NEGR1: variants seen among roughly 807,000 people sequenced by gnomAD.
NEGR1 encodes IgLON family member 4.
A neutral mutation model predicts 40.9 loss-of-function variants in NEGR1; 10 were observed. The observed-to-expected ratio is 0.24, with a 90% CI of 0.15 to 0.42. The LOEUF is 0.42. NEGR1 is among the 10% of genes least tolerant of loss of function. The probability of loss-of-function intolerance (pLI) is 1.00; values close to 1 mark genes in which losing one functional copy is unlikely to be tolerated. For synonymous variants in NEGR1, 185 were observed against 166.8 expected (o/e 1.11, Z -0.84); for missense variants, 352 against 438.9 (o/e 0.80, Z 1.77).
rs1646284227 is a variant in NEGR1, at chr1:71,407,272, CAA to C, written c.*172_*173del. On this transcript the variant is annotated 3_prime_UTR_variant, in exon 7 of 7. Coordinates refer to ENST00000357731, the MANE Select transcript of NEGR1 (RefSeq NM_173808.3). ...TGCTTCACAAGGTAATGTAGCTAAT[CAA>C]AAAAGAGTAGAATTAAAGTATTTAC... The C allele has an allele frequency of 1.9e-6, 1 of 536,536 alleles. No homozygotes were observed. The highest frequency in any genetic ancestry group is 3.3e-6 in the Non-Finnish European group (1 of 298,888). 33.2% of individuals were successfully genotyped at this position (536,536 alleles called of 1,614,324 possible).
chr1:72,152,883 A>T (rs2100358602), intron 1 of NEGR1, among the ~76,000 whole-genome samples: 1 of 152,120 alleles, frequency 6.6e-6, no homozygotes, highest in Non-Finnish European at 1.5e-5. Context: ...ACGCAGGGAC[A>T]GAAAACTAAA....
intron 1 of NEGR1, among the ~76,000 whole-genome samples, chr1:71,992,610 T>A (rs1036199471): frequency 6.6e-6 from 1 of 152,234 alleles, no homozygotes; most frequent in Non-Finnish European, 1.5e-5. Context: ...CCTTTTTATA[T>A]GCAGTCTTTG....
intron 2 of NEGR1, among the ~76,000 whole-genome samples, chr1:71,827,582 T>A (rs905260528): frequency 6.6e-6 from 1 of 151,936 alleles, no homozygotes; most frequent in East Asian, 1.9e-4. Flanking sequence ...GTGTCTCATG[T>A]TTTTTATTAT....
intron 1 of NEGR1, among the ~76,000 whole-genome samples, chr1:71,994,141 A>T (rs1158684769): frequency 6.6e-6 from 1 of 152,182 alleles, no homozygotes; most frequent in Non-Finnish European, 1.5e-5. Flanking sequence ...TACTTCCCAA[A>T]TGGCAGCCTT....
intron 1 of NEGR1, among the ~76,000 whole-genome samples, chr1:72,168,005 ATT>A (rs10633272): frequency 2.9e-5 from 4 of 139,680 alleles, no homozygotes; most frequent in Non-Finnish European, 3.2e-5. Context: ...TATTATTATT[ATT>A]TTTTTTTTTT....
At chr1:72,105,770 A>G (rs1649112059) in intron 1 of NEGR1, among the ~76,000 whole-genome samples, 1 of 151,958 alleles carries the variant, frequency 6.6e-6, no homozygotes, top group Non-Finnish European at 1.5e-5. Flanking sequence ...AGGAGGAAAG[A>G]TGGAGACCAT....
intron 2 of NEGR1, among the ~76,000 whole-genome samples, chr1:71,849,202 A>G (rs1023045516): frequency 6.6e-6 from 1 of 152,204 alleles, no homozygotes; most frequent in Non-Finnish European, 1.5e-5. Context: ...AATATTCACC[A>G]TTTTAGATGT....
At chr1:71,491,490 G>A (rs1646927153) in intron 6 of NEGR1, among the ~76,000 whole-genome samples, 1 of 151,816 alleles carries the variant, frequency 6.6e-6, no homozygotes, top group African/African-American at 2.4e-5. Flanking sequence ...CTACAAGCAA[G>A]TAATGGATAA....
chr1:71,882,504 T>G (rs1570463824), intron 2 of NEGR1, among the ~76,000 whole-genome samples: 1 of 152,190 alleles, frequency 6.6e-6, no homozygotes, highest in African/African-American at 2.4e-5. Flanking sequence ...TTTTTTCATT[T>G]AAGGAAGAGA....
intron 4 of NEGR1, among the ~76,000 whole-genome samples, chr1:71,638,674 T>A (rs572043924): frequency 6.6e-6 from 1 of 152,104 alleles, no homozygotes; most frequent in South Asian, 2.1e-4. Flanking sequence ...CAAAGAGAAG[T>A]AAGGTGTCTA....
At position 72,183,636 on chromosome 1, in the gene NEGR1, C is replaced by T. The variant is rs982298964; in HGVS notation, c.176+98683G>A. On this transcript the variant is annotated intron_variant, in intron 1 of 6. Transcript: ENST00000357731. ...TCTGCTGATCATCAACTGTGACTAT[C>T]TAATGCCAGGTGTTGAGGATATTAC... Among the ~76,000 whole-genome samples, 14 of 152,094 alleles carry T rather than the reference C, an allele frequency of 9.2e-5. No homozygotes were observed. In the East Asian group the frequency reaches 2.7e-3, roughly 29 times the overall value.
At chr1:71,780,066 A>G (rs1022722720) in intron 2 of NEGR1, among the ~76,000 whole-genome samples, 1 of 148,418 alleles carries the variant, frequency 6.7e-6, no homozygotes, top group Non-Finnish European at 1.5e-5. Flanking sequence ...AAAAAAAAAA[A>G]AAAAAGAAAA....
At chr1:72,088,849 C>T (rs1407793510) in intron 1 of NEGR1, among the ~76,000 whole-genome samples, 5 of 115,240 alleles carry the variant, frequency 4.3e-5, no homozygotes, top group African/African-American at 1.7e-4. Flanking sequence ...CTCACTCTGT[C>T]ATCCAAACTG....
At chr1:72,201,731 A>G (rs758091680) in intron 1 of NEGR1, among the ~76,000 whole-genome samples, 11 of 151,904 alleles carry the variant, frequency 7.2e-5, no homozygotes, top group Non-Finnish European at 1.2e-4. Context: ...TTTACCAAAC[A>G]GATGTCCTAT....
chr1:71,916,069 G>T (rs1402874459), intron 2 of NEGR1, among the ~76,000 whole-genome samples: 2 of 152,046 alleles, frequency 1.3e-5, no homozygotes, highest in East Asian at 3.9e-4. Flanking sequence ...GGGTAAGGGT[G>T]GGCAAAAGAG....
In NEGR1 at chr1:72,053,379, C is replaced by G. The variant is rs973683611; in HGVS notation, c.177-118068G>C. Among the ~76,000 whole-genome samples, 75 of 149,874 alleles carry G rather than the reference C, an allele frequency of 5.0e-4. 1 individual carries two copies. Among genetic ancestry groups the G allele is most frequent in the Non-Finnish European group, 3.7e-4 (25 of 67,092 alleles). ...AGGATTTTTTTTTTTCACCTAACAACAAGTAATCTGTCACCTTTAAATTAC... is the reference window on the plus strand; with the variant it reads ...AGGATTTTTTTTTTTCACCTAACAAGAAGTAATCTGTCACCTTTAAATTAC... On this transcript the variant is annotated intron_variant, in intron 1 of 6. Coordinates refer to ENST00000357731, the MANE Select transcript of NEGR1 (RefSeq NM_173808.3).
intron 1 of NEGR1, among the ~76,000 whole-genome samples, chr1:72,014,019 T>C (rs1646686060): frequency 6.9e-6 from 1 of 145,280 alleles, no homozygotes; most frequent in South Asian, 2.2e-4. Context: ...TTAATTAATC[T>C]AGAAATTGTA....
chr1:72,047,500 A>G (rs981285961), intron 1 of NEGR1, among the ~76,000 whole-genome samples: 3 of 151,448 alleles, frequency 2.0e-5, no homozygotes, highest in African/African-American at 7.3e-5. Context: ...TGTAAGCTTA[A>G]TATGCATCAG....
chr1:72,068,305 A>G (rs1221370278), intron 1 of NEGR1, among the ~76,000 whole-genome samples: 2 of 152,140 alleles, frequency 1.3e-5, no homozygotes, highest in African/African-American at 2.4e-5. Flanking sequence ...GAGCCCTGGC[A>G]TTGTCCCATG....
Sources: allele counts gnomAD v4.1 joint callset (sites outside exome capture counted in the v4.1 genomes callset), GRCh38; gene constraint gnomAD v4.1.1; transcripts MANE v1.5; gene names NCBI Gene and HGNC (gene_info 2026-07-23, HGNC 2026-07-21).